Variants in RABGAP1L observed in about 807,000 individuals in gnomAD.
The protein encoded by RABGAP1L is RAB GTPase activating protein 1 like, also known as rab GTPase-activating protein 1-like.
RABGAP1L carries 63 observed loss-of-function variants against 137.7 expected under a neutral mutation model. That is an observed-to-expected ratio of 0.46 (90% CI 0.37 to 0.56). RABGAP1L has a LOEUF of 0.56. RABGAP1L is among the 20% of genes least tolerant of loss of function. The probability of loss-of-function intolerance (pLI) is 0.00; values close to 1 mark genes in which losing one functional copy is unlikely to be tolerated. For missense variants in RABGAP1L, 1,095 were observed against 1,244.0 expected, an observed-to-expected ratio of 0.88 and a Z score of 1.80; for synonymous variants, 431 against 433.7, an observed-to-expected ratio of 0.99 and a Z score of 0.08.
intron 13 of RABGAP1L, among the ~76,000 whole-genome samples, chr1:174,463,904 A>G (rs1657003929): frequency 6.6e-6 from 1 of 152,164 alleles, no homozygotes; most frequent in Non-Finnish European, 1.5e-5. Flanking sequence ...CTAATTTGAT[A>G]TAATCCAGAT....
At chr1:174,853,469 C>T (rs61828117) in intron 19 of RABGAP1L, among the ~76,000 whole-genome samples, 16,559 of 152,126 alleles carry the variant, frequency 0.11, 984 homozygotes, top group East Asian at 0.22. Flanking sequence ...CAGTGGCTCA[C>T]GCCTGTAATC....
chr1:174,208,970 G>T (rs373853075), intron 1 of RABGAP1L, among the ~76,000 whole-genome samples: 2 of 152,142 alleles, frequency 1.3e-5, no homozygotes, highest in East Asian at 1.9e-4. Context: ...TGGCACAGGG[G>T]ACCAGTTTCA....
At chr1:174,711,323 G>A (rs548482911) in intron 17 of RABGAP1L, among the ~76,000 whole-genome samples, 5 of 152,254 alleles carry the variant, frequency 3.3e-5, no homozygotes, top group South Asian at 2.1e-4. Flanking sequence ...CTCAAGTGCC[G>A]CCAAAGTGGG....
intron 5 of RABGAP1L, chr1:174,243,238 T>A (rs1671976591): frequency 6.6e-6 from 1 of 152,192 alleles, no homozygotes; most frequent in East Asian, 1.9e-4. Flanking sequence ...GGGAAGTGTT[T>A]ATTTTTGAGA....
At chr1:174,676,366 A>G (rs1444085516) in intron 14 of RABGAP1L, among the ~76,000 whole-genome samples, 2 of 152,144 alleles carry the variant, frequency 1.3e-5, no homozygotes, top group Non-Finnish European at 2.9e-5. Flanking sequence ...TCCTGGTAGT[A>G]AAATGTCAGA....
At chr1:174,980,317 T>C (rs1488832915) in intron 23 of RABGAP1L, among the ~76,000 whole-genome samples, 1 of 152,232 alleles carries the variant, frequency 6.6e-6, no homozygotes, top group Non-Finnish European at 1.5e-5. Context: ...TATGTTTATT[T>C]AATGCCTGCT....
intron 1 of RABGAP1L, among the ~76,000 whole-genome samples, chr1:174,178,708 C>G (rs934653564): frequency 6.6e-6 from 1 of 152,166 alleles, no homozygotes; most frequent in African/African-American, 2.4e-5. Context: ...TGGAAGCCAT[C>G]ATTCTCAACA....
chr1:174,280,751 A>G (rs897326211), intron 10 of RABGAP1L, among the ~76,000 whole-genome samples: 12 of 152,248 alleles, frequency 7.9e-5, no homozygotes, highest in Admixed American at 2.6e-4. Context: ...AGAGGCTGGG[A>G]AAGTAAACTA....
rs182685420 is a variant in RABGAP1L at position 174,163,035 on chromosome 1, A to C, written c.-34+3378A>C. Among the ~76,000 whole-genome samples, 154 of 152,112 alleles carry C rather than the reference A, an allele frequency of 1.0e-3. 1 individual carries two copies. Among genetic ancestry groups the C allele is most frequent in the Middle Eastern group, 6.8e-3 (2 of 294 alleles). On this transcript the variant is annotated intron_variant, in intron 1 of 25. Coordinates refer to ENST00000681986, the MANE Select transcript of RABGAP1L (RefSeq NM_001366446.1). ...CAGCGCACCAGGTGCTGGTATTTCAAAGATGGCTCAGGGGTTTCTTGTGGA... is the reference window on the plus strand; with the variant it reads ...CAGCGCACCAGGTGCTGGTATTTCACAGATGGCTCAGGGGTTTCTTGTGGA...
chr1:174,553,155 A>C (rs1183651928), intron 13 of RABGAP1L, among the ~76,000 whole-genome samples: 2 of 152,156 alleles, frequency 1.3e-5, no homozygotes, highest in African/African-American at 4.8e-5. Context: ...AGTTTGCACA[A>C]ATTTTCTCCC....
intron 13 of RABGAP1L, among the ~76,000 whole-genome samples, chr1:174,416,019 C>CATATATAT (rs143285036): frequency 0.025 from 3,220 of 129,022 alleles, 402 homozygotes; most frequent in African/African-American, 0.11. Context: ...AGAAAATTTA[C>CATATATAT]ATATATATAT....
At chr1:174,890,139 T>C (rs1292986902) in intron 19 of RABGAP1L, among the ~76,000 whole-genome samples, 1 of 152,252 alleles carries the variant, frequency 6.6e-6, no homozygotes, top group South Asian at 2.1e-4. Context: ...GTATACCTCC[T>C]ACGTGCATAG....
intron 19 of RABGAP1L, among the ~76,000 whole-genome samples, chr1:174,914,600 A>G (rs1660552259): frequency 1.3e-5 from 2 of 152,172 alleles, no homozygotes; most frequent in African/African-American, 4.8e-5. Context: ...TTATATTAAT[A>G]TATAGTGGTT....
chr1:174,436,385 T>A (rs1393275018), intron 13 of RABGAP1L, among the ~76,000 whole-genome samples: 1 of 152,218 alleles, frequency 6.6e-6, no homozygotes, highest in African/African-American at 2.4e-5. Context: ...TGGTTTTGAT[T>A]TGCATTTCTC....
intron 17 of RABGAP1L, among the ~76,000 whole-genome samples, chr1:174,707,188 C>G (rs531798569): frequency 4.6e-5 from 7 of 151,166 alleles, no homozygotes; most frequent in African/African-American, 1.7e-4. Context: ...CAATAAAGAT[C>G]TTTCTTGTGA....
intron 19 of RABGAP1L, among the ~76,000 whole-genome samples, chr1:174,939,696 A>G (rs903478716): frequency 2.0e-5 from 3 of 152,238 alleles, no homozygotes; most frequent in Non-Finnish European, 2.9e-5. Context: ...GGCTCTGTCA[A>G]ACATATCAGA....
intron 1 of RABGAP1L, among the ~76,000 whole-genome samples, chr1:174,217,932 A>G (rs568852451): frequency 6.6e-6 from 1 of 152,138 alleles, no homozygotes; most frequent in South Asian, 2.1e-4. Context: ...AGCTATACTT[A>G]TAGGCTATAA....
intron 4 of RABGAP1L, among the ~76,000 whole-genome samples, chr1:174,239,779 G>A (rs1671630268): frequency 6.6e-6 from 1 of 152,132 alleles, no homozygotes; most frequent in Non-Finnish European, 1.5e-5. Context: ...ACCAGGTCAA[G>A]GAAATGAGGT....
chr1:174,962,509 T>G (rs1669246898), intron 20 of RABGAP1L, among the ~76,000 whole-genome samples: 1 of 152,186 alleles, frequency 6.6e-6, no homozygotes, highest in Non-Finnish European at 1.5e-5. Context: ...TTCTTGCACA[T>G]ACTGGTTTTT....
Sources: gnomAD v4.1 joint callset for allele counts (sites outside exome capture counted in the v4.1 genomes callset) on GRCh38, gnomAD v4.1.1 for gene constraint, MANE v1.5 for transcripts, NCBI Gene and HGNC (gene_info 2026-07-23, HGNC 2026-07-21) for gene names.